The following OR2A42 variants were observed in gnomAD, a reference collection of about 807,000 sequenced individuals.
OR2A42 encodes the protein olfactory receptor 2A1/2A42.
For synonymous variants in OR2A42, 5 were observed against 46.4 expected, an observed-to-expected ratio of 0.11 and a Z score of 3.63; for missense variants, 3 against 104.1, an observed-to-expected ratio of 0.03 and a Z score of 4.23.
intron 1 of OR2A42, 74 bp downstream of exon 1, chr7:144,239,500 CTT>C (rs1453538187): frequency 7.8e-6 from 1 of 128,680 alleles, no homozygotes; most frequent in African/African-American, 2.8e-5. Context: ...ACAATGTGGT[CTT>C]TGACCTGCTG....
chr7:144,237,629 C>A (rs1305920488), intron 2 of OR2A42, among the ~76,000 whole-genome samples: 1 of 150,578 alleles, frequency 6.6e-6, no homozygotes, highest in Non-Finnish European at 1.5e-5. Context: ...ATTTATTGAT[C>A]TAGTAAGTGA....
rs2052354326 is a variant in OR2A42 at position 144,230,155 on chromosome 7, TTG to T, written c.*1754_*1755del. The T allele has an allele frequency of 7.4e-6, 1 of 134,930 alleles. No individual in the cohort carries two copies. Among genetic ancestry groups the T allele is most frequent in the Non-Finnish European group, 1.6e-5 (1 of 62,368 alleles). The allele number at this position is 134,930 out of a possible 1,614,324, so 8.4% of individuals were successfully genotyped here. On this transcript the variant is annotated 3_prime_UTR_variant, in exon 3 of 3. Transcript: ENST00000641810. ...AGCTGTTTTTTGTTTGTTTGTTTGT[TTG>T]TTTGTTTGTTTTTCCCCCAGCTTTA...
rs72571584 is a variant in OR2A42, at chr7:144,228,436, TCC to T, written c.*3473_*3474del. ...TTAATTAATTACACTAAACTTTATT[TCC>T]CCCCCCCCTTTAATGTTAGGATAGT... is the stretch of plus-strand genomic sequence containing the variant. On this transcript the variant is annotated 3_prime_UTR_variant, in exon 3 of 3. Coordinates refer to ENST00000641810, the MANE Select transcript of OR2A42 (RefSeq NM_001001802.3). 1.9e-4 allele frequency: 20 copies of T among 102,698 alleles called. 2 individuals are homozygous for T. Among genetic ancestry groups the T allele is most frequent in the East Asian group, 1.5e-3 (4 of 2,630 alleles). The allele number at this position is 102,698 out of a possible 1,614,324, so 6.4% of individuals were successfully genotyped here. A position where few individuals can be genotyped will look rare whatever the true frequency, so the allele number is the denominator to read the frequency against.
rs2052331517 is a variant in OR2A42, at chr7:144,228,785, A to G, written c.*3126T>C. The G allele has an allele frequency of 1.4e-5, 2 of 141,484 alleles. No individual in the cohort carries two copies. The highest frequency in any genetic ancestry group is 3.1e-5 in the Non-Finnish European group (2 of 64,318). The allele number at this position is 141,484 out of a possible 1,614,324, so 8.8% of individuals were successfully genotyped here. ...CTTTGTGAAGCAATGAATGAAACAT[A>G]ATTGAGACATGCACTGTAAATCCCA... On this transcript the variant is annotated 3_prime_UTR_variant, in exon 3 of 3. Coordinates refer to ENST00000641810, the MANE Select transcript of OR2A42 (RefSeq NM_001001802.3).
At chr7:144,237,279 TATC>T (rs1413681248) in intron 2 of OR2A42, among the ~76,000 whole-genome samples, 3 of 128,986 alleles carry the variant, frequency 2.3e-5, no homozygotes, top group African/African-American at 8.8e-5. Flanking sequence ...TGTACATATA[TATC>T]ATTTAAAACA....
In OR2A42 at chr7:144,232,767, A is replaced by AGGAGCATCT. The variant is rs1211445174; in HGVS notation, c.68_76dup (p.Gln23_Leu25dup). 1.5e-6 allele frequency: 1 copy of AGGAGCATCT among 679,442 alleles called. No individual in the cohort carries two copies. The highest frequency in any genetic ancestry group is 2.0e-5 in the African/African-American group (1 of 49,828). 42.1% of individuals were successfully genotyped at this position (679,442 alleles called of 1,614,324 possible). ...ATAGAACAGGGAGAAGAGCCCAAAG[A>AGGAGCATCT]GGAGCATCTGAATCCTTGGGCCCAG... On this transcript the variant is annotated inframe_insertion, in exon 3 of 3. Coordinates refer to ENST00000641810, the MANE Select transcript of OR2A42 (RefSeq NM_001001802.3).
At position 144,229,907 on chromosome 7, in the gene OR2A42, A is replaced by C. The variant is rs1164397864; in HGVS notation, c.*2004T>G. The stretch of plus-strand genomic sequence containing the variant: ...GTGATCCTCTTGCCTCAGCCTCCCG[A>C]ATAGCTGGGGATGTAGGCACACGTT... On this transcript the variant is annotated 3_prime_UTR_variant, in exon 3 of 3. Coordinates refer to ENST00000641810, the MANE Select transcript of OR2A42 (RefSeq NM_001001802.3). The C allele has an allele frequency of 1.3e-5, 2 of 151,892 alleles. No homozygotes were observed. Among genetic ancestry groups the C allele is most frequent in the African/African-American group, 4.8e-5 (2 of 41,432 alleles). 9.4% of individuals were successfully genotyped at this position (151,892 alleles called of 1,614,324 possible). A position where few individuals can be genotyped will look rare whatever the true frequency, so the allele number is the denominator to read the frequency against.
At chr7:144,235,123 A>C (rs898701055) in intron 2 of OR2A42, among the ~76,000 whole-genome samples, 1 of 146,764 alleles carries the variant, frequency 6.8e-6, no homozygotes, top group African/African-American at 2.6e-5. Context: ...TAATTTTTTT[A>C]AATAAATATT....
In OR2A42 at chr7:144,228,537, G is replaced by A. The variant is rs1471401717; in HGVS notation, c.*3374C>T. 2 of 120,920 alleles carry A rather than the reference G, an allele frequency of 1.7e-5. No individual in the cohort carries two copies. The highest frequency in any genetic ancestry group is 2.9e-4 in the South Asian group (1 of 3,446). The allele number at this position is 120,920 out of a possible 1,614,324, so 7.5% of individuals were successfully genotyped here. On this transcript the variant is annotated 3_prime_UTR_variant, in exon 3 of 3. Coordinates refer to ENST00000641810, the MANE Select transcript of OR2A42 (RefSeq NM_001001802.3). ...TTATGCAGTGCCAACCACATAGTAA[G>A]TGCTCAATAATTATCAGCTACAATT...
chr7:144,230,412 G>A lies in OR2A42; in HGVS notation c.*1499C>T, dbSNP rs1441474278. The A allele has an allele frequency of 1.3e-4, 15 of 119,414 alleles. No homozygotes were observed. Among genetic ancestry groups the A allele is most frequent in the Middle Eastern group, 4.1e-3 (1 of 244 alleles). 7.4% of individuals were successfully genotyped at this position (119,414 alleles called of 1,614,324 possible). ...AATCTCTCTATAGTTCTGTTTTCTC[G>A]CCTAAAAATAGTAGTAATAGTCTCT... is the stretch of plus-strand genomic sequence containing the variant. On this transcript the variant is annotated 3_prime_UTR_variant, in exon 3 of 3. Transcript: ENST00000641810.
At chr7:144,237,631 A>G (rs2052448032) in intron 2 of OR2A42, among the ~76,000 whole-genome samples, 1 of 150,794 alleles carries the variant, frequency 6.6e-6, no homozygotes, top group African/African-American at 2.4e-5. Context: ...TTATTGATCT[A>G]GTAAGTGACT....
intron 2 of OR2A42, among the ~76,000 whole-genome samples, chr7:144,237,488 G>A (rs1331029786): frequency 1.3e-5 from 2 of 148,692 alleles, no homozygotes; most frequent in African/African-American, 4.9e-5. Flanking sequence ...CAAGTATACC[G>A]ATTACAGTAG....
At chr7:144,235,538 A>G (rs1390047177) in intron 2 of OR2A42, among the ~76,000 whole-genome samples, 1 of 152,110 alleles carries the variant, frequency 6.6e-6, no homozygotes, top group African/African-American at 2.4e-5. Context: ...TAATCCTGAC[A>G]GTAAATACTT....
At position 144,229,685 on chromosome 7, in the gene OR2A42, G is replaced by A. The variant is rs1232406272; in HGVS notation, c.*2226C>T. On this transcript the variant is annotated 3_prime_UTR_variant, in exon 3 of 3. Coordinates refer to ENST00000641810, the MANE Select transcript of OR2A42 (RefSeq NM_001001802.3). Reference sequence around the variant, plus strand: ...TGCAATGCAGTATGCAGCATCTGCCGTGAAACTAAACAACCGTTTAAAAAC... The same window carrying A: ...TGCAATGCAGTATGCAGCATCTGCCATGAAACTAAACAACCGTTTAAAAAC... 4.0e-5 allele frequency: 6 copies of A among 150,078 alleles called. No homozygotes were observed. The highest frequency in any genetic ancestry group is 1.3e-4 in the Admixed American group (2 of 15,056). 9.3% of individuals were successfully genotyped at this position (150,078 alleles called of 1,614,324 possible). A position where few individuals can be genotyped will look rare whatever the true frequency, so the allele number is the denominator to read the frequency against.
At chr7:144,237,665 A>G (rs1214713226) in intron 2 of OR2A42, among the ~76,000 whole-genome samples, 2 of 150,740 alleles carry the variant, frequency 1.3e-5, no homozygotes, top group African/African-American at 4.9e-5. Flanking sequence ...ACATTTGACT[A>G]TATATTGTGC....
rs2052351089 is a variant in OR2A42 at position 144,229,967 on chromosome 7, T to C, written c.*1944A>G. The C allele has an allele frequency of 6.6e-6, 1 of 151,104 alleles. No individual in the cohort carries two copies. Among genetic ancestry groups the C allele is most frequent in the African/African-American group, 2.4e-5 (1 of 41,294 alleles). The allele number at this position is 151,104 out of a possible 1,614,324, so 9.4% of individuals were successfully genotyped here. ...GGCTAGATAATTTACAAAAACACTT[T>C]CTAATGTTCTTCAATTGATGAACCA... On this transcript the variant is annotated 3_prime_UTR_variant, in exon 3 of 3. Coordinates refer to ENST00000641810, the MANE Select transcript of OR2A42 (RefSeq NM_001001802.3).
chr7:144,235,843 T>C (rs2052421457), intron 2 of OR2A42, among the ~76,000 whole-genome samples: 1 of 151,646 alleles, frequency 6.6e-6, no homozygotes, highest in Non-Finnish European at 1.5e-5. Context: ...TGTGTATACT[T>C]TCAGGGGTGT....
At position 144,235,063 on chromosome 7, in the gene OR2A42, C is replaced by T. The variant is rs535576825; in HGVS notation, c.-4-2216G>A. 8.2e-5 allele frequency among the ~76,000 whole-genome samples: 12 copies of T among 147,204 alleles called. No individual in the cohort carries two copies. The East Asian group carries it at 1.9e-3, about 24-fold the overall frequency. ...ATATCAGATTCAAGTGATCCTCCCC[C>T]TCAGCCTCCCAAGTAGCTGGGATTA... On this transcript the variant is annotated intron_variant, in intron 2 of 2. Transcript: ENST00000641810.
chr7:144,238,848 G>C (rs575130675), intron 1 of OR2A42, 105 bp from the exon 2 acceptor site: 1 of 150,070 alleles, frequency 6.7e-6, no homozygotes, highest in Non-Finnish European at 1.5e-5. Context: ...ACACCTCTGA[G>C]ACAACATCTT....
Sources: gnomAD v4.1 joint callset for allele counts (sites outside exome capture counted in the v4.1 genomes callset) on GRCh38, gnomAD v4.1.1 for gene constraint, MANE v1.5 for transcripts, NCBI Gene and HGNC (gene_info 2026-07-23, HGNC 2026-07-21) for gene names.